The following KCNMA1 variants were observed in gnomAD, a reference collection of about 807,000 sequenced individuals.
The protein encoded by KCNMA1 is potassium calcium-activated channel subfamily M alpha 1, also known as Calcium-activated potassium channel subunit alpha-1.
In KCNMA1, 29 loss-of-function variants were observed where a neutral mutation model predicts 140.0. The observed-to-expected ratio is 0.21, with a 90% CI of 0.15 to 0.28. KCNMA1 has a LOEUF of 0.28. Among genes scored for constraint, KCNMA1 ranks in the 10% least tolerant of loss-of-function variants. KCNMA1 has a pLI of 1.00. For synonymous variants in KCNMA1, 612 were observed against 611.9 expected (o/e 1.00, Z 0.00); for missense variants, 880 against 1,602.2 (o/e 0.55, Z 7.70).
At chr10:77,366,114 C>CTTTCTT (rs1384339381) in intron 2 of KCNMA1, among the ~76,000 whole-genome samples, 1 of 110,112 alleles carries the variant, frequency 9.1e-6, no homozygotes, top group Non-Finnish European at 1.8e-5. Flanking sequence ...TTCTTTCTTT[C>CTTTCTT]TTTCTTTTTC....
At chr10:76,950,571 C>G (rs960341547) in intron 21 of KCNMA1, among the ~76,000 whole-genome samples, 6 of 152,232 alleles carry the variant, frequency 3.9e-5, no homozygotes, top group African/African-American at 9.6e-5. Context: ...TCCTGTCCAC[C>G]CACTGCATGC....
At chr10:77,429,386 C>A (rs1236767077) in intron 1 of KCNMA1, among the ~76,000 whole-genome samples, 1 of 152,184 alleles carries the variant, frequency 6.6e-6, no homozygotes, top group Admixed American at 6.5e-5. Context: ...AGTAGCTATT[C>A]TCCTCCATTC....
rs558313423 is a variant in KCNMA1 at position 77,576,400 on chromosome 10, C to A, written c.378+60865G>T. Among the ~76,000 whole-genome samples, 8 of 152,330 alleles carry A rather than the reference C, an allele frequency of 5.3e-5. No individual in the cohort carries two copies. The South Asian group carries it at 1.7e-3, about 32-fold the overall frequency. ...ACCTCTTAGCCTCTCTTTCTCCCTA[C>A]GAAACAATCCCCCATCCTTTAACTC... is the stretch of plus-strand genomic sequence containing the variant. On this transcript the variant is annotated intron_variant, in intron 1 of 27. Coordinates refer to ENST00000286628, the MANE Select transcript of KCNMA1 (RefSeq NM_001161352.2).
At chr10:77,014,745 G>A (rs975974323) in intron 17 of KCNMA1, among the ~76,000 whole-genome samples, 1 of 152,202 alleles carries the variant, frequency 6.6e-6, no homozygotes, top group African/African-American at 2.4e-5. Context: ...TAAGTGAAAT[G>A]AGGCAAGGGT....
At chr10:76,891,094 C>T (rs560913753) in intron 26 of KCNMA1, among the ~76,000 whole-genome samples, 4 of 152,334 alleles carry the variant, frequency 2.6e-5, no homozygotes, top group Non-Finnish European at 4.4e-5. Flanking sequence ...CCCTAAGCTA[C>T]GCTAAGAGCC....
At chr10:77,017,557 A>G (rs12241892) in intron 17 of KCNMA1, among the ~76,000 whole-genome samples, 4,988 of 152,266 alleles carry the variant, frequency 0.033, 268 homozygotes, top group African/African-American at 0.11. Context: ...AAGTTATTAG[A>G]GCACTCAGTT....
At chr10:77,520,402 C>T (rs1288544131) in intron 1 of KCNMA1, among the ~76,000 whole-genome samples, 5 of 151,822 alleles carry the variant, frequency 3.3e-5, no homozygotes, top group South Asian at 4.2e-4. Context: ...GTGTGTGGCC[C>T]GGGCAAGTCA....
At chr10:77,431,851 G>A (rs372331253) in intron 1 of KCNMA1, among the ~76,000 whole-genome samples, 1 of 152,070 alleles carries the variant, frequency 6.6e-6, no homozygotes, top group African/African-American at 2.4e-5. Context: ...AAATTAGCCG[G>A]GTGTGGTGGT....
chr10:77,359,211 T>A (rs982797068), intron 2 of KCNMA1, among the ~76,000 whole-genome samples: 7 of 152,238 alleles, frequency 4.6e-5, no homozygotes, highest in African/African-American at 1.4e-4. Context: ...GTTCTGCTGT[T>A]ACCCTATTTT....
intron 5 of KCNMA1, among the ~76,000 whole-genome samples, chr10:77,160,793 C>T (rs927095482): frequency 6.6e-6 from 1 of 152,166 alleles, no homozygotes; most frequent in African/African-American, 2.4e-5. Context: ...ACTCAGGCAA[C>T]CCTAATAGGC....
intron 14 of KCNMA1, among the ~76,000 whole-genome samples, chr10:77,058,956 A>C (rs1227050182): frequency 6.6e-6 from 1 of 152,050 alleles, no homozygotes; most frequent in East Asian, 1.9e-4. Flanking sequence ...AGATCAGCAA[A>C]CTTTATATCT....
intron 3 of KCNMA1, among the ~76,000 whole-genome samples, chr10:77,197,837 G>A (rs569803656): frequency 6.6e-6 from 1 of 152,248 alleles, no homozygotes; most frequent in Admixed American, 6.5e-5. Context: ...GGTAAGAGTC[G>A]ATATGAGAGA....
At chr10:77,581,386 G>A (rs1191879634) in intron 1 of KCNMA1, among the ~76,000 whole-genome samples, 1 of 151,696 alleles carries the variant, frequency 6.6e-6, no homozygotes, top group Non-Finnish European at 1.5e-5. Context: ...TCGGCTCACT[G>A]TAACCTCTGC....
chr10:77,140,207 G>C (rs2098134269), intron 5 of KCNMA1: 1 of 152,686 alleles, frequency 6.5e-6, no homozygotes, highest in Admixed American at 6.5e-5. Flanking sequence ...ATCCAGCCTA[G>C]ACGGAAAGCA....
chr10:76,958,442 T>A (rs370295470), intron 20 of KCNMA1, among the ~76,000 whole-genome samples: 13 of 152,230 alleles, frequency 8.5e-5, no homozygotes, highest in African/African-American at 2.9e-4. Flanking sequence ...ATAGAAACTC[T>A]ATGATGTGAG....
intron 7 of KCNMA1, among the ~76,000 whole-genome samples, chr10:77,112,089 T>C (rs1002686811): frequency 5.3e-5 from 8 of 152,152 alleles, no homozygotes; most frequent in African/African-American, 1.7e-4. Flanking sequence ...ACTATAGTTA[T>C]TGCAGACAGA....
At chr10:77,308,918 C>T (rs1018109331) in intron 2 of KCNMA1, among the ~76,000 whole-genome samples, 2 of 152,184 alleles carry the variant, frequency 1.3e-5, no homozygotes, top group African/African-American at 4.8e-5. Flanking sequence ...TAAGGCCACA[C>T]AGCTAAAATG....
chr10:76,881,650 C>T (rs1196805826), downstream of KCNMA1, among the ~76,000 whole-genome samples: 1 of 152,108 alleles, frequency 6.6e-6, no homozygotes, highest in African/African-American at 2.4e-5. Flanking sequence ...TAGTACTAGC[C>T]TGAGTACTAT....
chr10:77,577,470 C>T (rs981378429), intron 1 of KCNMA1, among the ~76,000 whole-genome samples: 7 of 152,062 alleles, frequency 4.6e-5, no homozygotes, highest in African/African-American at 1.7e-4. Context: ...TTCCAAGATC[C>T]AGGTTTCTAT....
Sources: gnomAD v4.1 joint callset for allele counts (sites outside exome capture counted in the v4.1 genomes callset) on GRCh38, gnomAD v4.1.1 for gene constraint, MANE v1.5 for transcripts, NCBI Gene and HGNC (gene_info 2026-07-23, HGNC 2026-07-21) for gene names.